Variants in VWA8 observed in about 807,000 individuals in gnomAD.
The protein encoded by VWA8 is von Willebrand factor A domain-containing protein 8.
Under a neutral mutation model 241.5 loss-of-function variants are expected in VWA8, and 221 were observed. The ratio of observed to expected loss-of-function variants is 0.91; its 90% CI spans 0.82 to 1.02. The LOEUF (loss-of-function observed/expected upper bound fraction) is 1.02. Ranked by LOEUF, VWA8 falls within the 50% of genes least tolerant of loss-of-function variation. The pLI is 0.00. For missense variants in VWA8, 2,322 were observed against 2,328.7 expected (o/e 1.00, Z 0.06); for synonymous variants, 852 against 827.1 (o/e 1.03, Z -0.52).
At chr13:41,772,002 C>T (rs528599565) in intron 20 of VWA8, among the ~76,000 whole-genome samples, 93 of 150,128 alleles carry the variant, frequency 6.2e-4, no homozygotes, top group African/African-American at 2.0e-3. Flanking sequence ...GCGATTCTCC[C>T]GCCTCAGCCT....
At chr13:41,614,102 G>T (rs973446382) in intron 38 of VWA8, among the ~76,000 whole-genome samples, 2 of 152,144 alleles carry the variant, frequency 1.3e-5, no homozygotes, top group African/African-American at 2.4e-5. Flanking sequence ...CAGATCAAAG[G>T]ACATTTCTAA....
At chr13:41,635,492 C>T (rs1320935424) in intron 37 of VWA8, among the ~76,000 whole-genome samples, 1 of 152,156 alleles carries the variant, frequency 6.6e-6, no homozygotes, top group Non-Finnish European at 1.5e-5. Context: ...TTAAGTGACT[C>T]CCTTTCTTCC....
At chr13:41,782,005 G>A (rs939614525) in intron 19 of VWA8, among the ~76,000 whole-genome samples, 3 of 152,198 alleles carry the variant, frequency 2.0e-5, no homozygotes, top group African/African-American at 7.2e-5. Context: ...CAAAGATGAA[G>A]TACAGCATAA....
chr13:41,580,353 C>T (rs894896815), intron 42 of VWA8, among the ~76,000 whole-genome samples: 3 of 152,232 alleles, frequency 2.0e-5, no homozygotes, highest in Admixed American at 1.3e-4. Context: ...AATTTATTCA[C>T]AGCCTAAACT....
In VWA8 at chr13:41,827,000, A is replaced by C. The variant is rs752792122; in HGVS notation, c.1700+3529T>G. On this transcript the variant is annotated intron_variant, in intron 14 of 44. Transcript: ENST00000379310. ...AGTGTTTGGGATTAAAAATAAGGCA[A>C]TATATACATAGAAACAGTCACTTTC... Among the ~76,000 whole-genome samples the C allele has an allele frequency of 3.3e-5, 5 of 152,330 alleles. No homozygotes were observed. The South Asian group carries it at 1.0e-3, about 32-fold the overall frequency.
At chr13:41,805,246 A>C (rs1870131293) in intron 17 of VWA8, among the ~76,000 whole-genome samples, 1 of 152,198 alleles carries the variant, frequency 6.6e-6, no homozygotes, top group Non-Finnish European at 1.5e-5. Context: ...ACAAACAAAC[A>C]AAAGAAAAAC....
intron 2 of VWA8, among the ~76,000 whole-genome samples, chr13:41,947,810 C>G (rs970825141): frequency 2.6e-5 from 4 of 151,468 alleles, no homozygotes; most frequent in African/African-American, 9.7e-5. Flanking sequence ...TAACCTGCAC[C>G]TATAGTCCCA....
intron 10 of VWA8, among the ~76,000 whole-genome samples, chr13:41,866,392 CGTGT>C (rs71700459): frequency 7.4e-5 from 11 of 148,900 alleles, no homozygotes; most frequent in African/African-American, 1.7e-4. Flanking sequence ...TGTGTGTGCG[CGTGT>C]GTGTGTGTAT....
chr13:41,646,878 A>G lies in VWA8; in HGVS notation c.4611+24068T>C, dbSNP rs143541940. Reference sequence around the variant, plus strand: ...ATCCTGAACATGATCTGCAGACTCAATGCTTGCCCTAGTGGCTCACGTCTG... The same window carrying G: ...ATCCTGAACATGATCTGCAGACTCAGTGCTTGCCCTAGTGGCTCACGTCTG... On this transcript the variant is annotated intron_variant, in intron 37 of 44. Transcript: ENST00000379310. Among the ~76,000 whole-genome samples the G allele has an allele frequency of 9.6e-4, 147 of 152,352 alleles. 1 individual carries two copies. The highest frequency in any genetic ancestry group is 3.2e-3 in the African/African-American group (133 of 41,582).
chr13:41,684,683 G>T (rs1337581887), intron 35 of VWA8, among the ~76,000 whole-genome samples: 3 of 152,172 alleles, frequency 2.0e-5, no homozygotes, highest in Admixed American at 2.0e-4. Context: ...AAGTGAATCA[G>T]TCTGCACGAT....
Position 41,887,256 on chromosome 13 carries a change from ATGGATTCCCAGAATACC to A in VWA8, c.740_756del (p.Arg247IlefsTer24), listed in dbSNP as rs1874590838. ...AATCGAGAACGAAGAGGGGGGTCTA[ATGGATTCCCAGAATACC>A]TTGGCACTGGCAAGCCCAAGGCAAT... On this transcript the variant is annotated frameshift_variant, in exon 6 of 45. Transcript: ENST00000379310. LOFTEE classifies it high-confidence loss of function. 1.9e-6 allele frequency: 3 copies of A among 1,613,840 alleles called. No homozygotes were observed. Among genetic ancestry groups the A allele is most frequent in the Non-Finnish European group, 2.5e-6 (3 of 1,179,904 alleles).
At chr13:41,758,911 C>T (rs556149393) in intron 21 of VWA8, among the ~76,000 whole-genome samples, 101 of 151,296 alleles carry the variant, frequency 6.7e-4, no homozygotes, top group Non-Finnish European at 1.3e-3. Flanking sequence ...TTTCTGGTGG[C>T]AATTAGAGGA....
At chr13:41,900,234 CAT>C (rs1028654588) in intron 4 of VWA8, among the ~76,000 whole-genome samples, 5 of 152,036 alleles carry the variant, frequency 3.3e-5, no homozygotes, top group East Asian at 1.9e-4. Flanking sequence ...CAGGTTGTAA[CAT>C]AAAATAATTG....
At chr13:41,849,269 T>C (rs1227662036) in intron 12 of VWA8, among the ~76,000 whole-genome samples, 1 of 152,212 alleles carries the variant, frequency 6.6e-6, no homozygotes, top group Non-Finnish European at 1.5e-5. Context: ...ATCTAGGTCA[T>C]AAAACTGAAA....
At chr13:41,702,831 A>G (rs1184249393) in intron 27 of VWA8, among the ~76,000 whole-genome samples, 1 of 152,184 alleles carries the variant, frequency 6.6e-6, no homozygotes, top group African/African-American at 2.4e-5. Context: ...GTTGCCCCTC[A>G]ACTTCTGTTC....
chr13:41,945,734 A>C (rs2138158006), intron 2 of VWA8, among the ~76,000 whole-genome samples: 1 of 152,314 alleles, frequency 6.6e-6, no homozygotes, highest in Middle Eastern at 3.4e-3. Context: ...AACAGAAAGA[A>C]GAAATTATAA....
At chr13:41,592,971 T>G (rs2044466144) in intron 40 of VWA8, among the ~76,000 whole-genome samples, 1 of 152,214 alleles carries the variant, frequency 6.6e-6, no homozygotes, top group African/African-American at 2.4e-5. Context: ...TATTATTTAT[T>G]GCAGTGGATA....
intron 17 of VWA8, among the ~76,000 whole-genome samples, chr13:41,799,054 T>G (rs1461467896): frequency 1.3e-5 from 2 of 152,240 alleles, no homozygotes; most frequent in Admixed American, 1.3e-4. Context: ...AGTCATCCAG[T>G]TTTTAATTCC....
intron 17 of VWA8, among the ~76,000 whole-genome samples, chr13:41,796,878 C>T (rs896194228): frequency 2.0e-5 from 3 of 150,572 alleles, no homozygotes; most frequent in African/African-American, 7.3e-5. Flanking sequence ...AATTTTCATT[C>T]TAATTTCTTC....
Sources: gnomAD v4.1 joint callset for allele counts (sites outside exome capture counted in the v4.1 genomes callset) on GRCh38, gnomAD v4.1.1 for gene constraint, MANE v1.5 for transcripts, NCBI Gene and HGNC (gene_info 2026-07-23, HGNC 2026-07-21) for gene names.